The following ZBTB25 variants were observed in gnomAD, a reference collection of about 807,000 sequenced individuals.
The protein encoded by ZBTB25 is zinc finger and BTB domain containing 25.
In ZBTB25, 20 loss-of-function variants were observed where a neutral mutation model predicts 34.2. The ratio of observed to expected loss-of-function variants is 0.58; its 90% CI spans 0.41 to 0.85. ZBTB25 has a LOEUF of 0.85. Among genes scored for constraint, ZBTB25 ranks in the 40% least tolerant of loss-of-function variants. The probability of loss-of-function intolerance (pLI) is 0.00; values close to 1 mark genes in which losing one functional copy is unlikely to be tolerated. For synonymous variants in ZBTB25, 175 were observed against 186.4 expected, an observed-to-expected ratio of 0.94 and a Z score of 0.50; for missense variants, 437 against 521.8, an observed-to-expected ratio of 0.84 and a Z score of 1.58.
intron 1 of ZBTB25, among the ~76,000 whole-genome samples, chr14:64,493,680 G>C (rs990057176): frequency 2.0e-5 from 3 of 152,108 alleles, no homozygotes; most frequent in Non-Finnish European, 2.9e-5. Context: ...TCAAAGGTGA[G>C]TCTCAGAATT....
intron 1 of ZBTB25, among the ~76,000 whole-genome samples, chr14:64,500,475 A>AAAAG (rs35009526): frequency 0.19 from 12,941 of 68,148 alleles, 1,354 homozygotes; most frequent in East Asian, 0.31. Context: ...AAAAAAAAAA[A>AAAAG]AGAGAGAGAG....
intron 2 of ZBTB25, chr14:64,467,207 A>G (rs1169108562): frequency 6.6e-6 from 1 of 152,242 alleles, no homozygotes; most frequent in African/African-American, 2.4e-5. Context: ...TTAAGCAACA[A>G]GCAATCTTGT....
Position 64,463,933 on chromosome 14 carries a change from T to C in ZBTB25, c.174-14295A>G, listed in dbSNP as rs952464664. 2.0e-5 allele frequency among the ~76,000 whole-genome samples: 3 copies of C among 152,348 alleles called. No individual in the cohort carries two copies. The South Asian group carries it at 6.2e-4, about 32-fold the overall frequency. On this transcript the variant is annotated intron_variant, in intron 2 of 2. Coordinates refer to the ZBTB25 transcript ENST00000555220. ...GCTTATAAGCATAATGGATTTCTTTTGGCTTAAAGTTCAAAACTGGCAACA... is the reference window on the plus strand; with the variant it reads ...GCTTATAAGCATAATGGATTTCTTTCGGCTTAAAGTTCAAAACTGGCAACA...
chr14:64,490,033 C>A (rs1402412612), intron 2 of ZBTB25, among the ~76,000 whole-genome samples: 2 of 149,358 alleles, frequency 1.3e-5, no homozygotes. Context: ...CATGGTGAAA[C>A]CCTGCCTCTA....
At chr14:64,449,657 G>A (rs778624344) in intron 2 of ZBTB25, 1 of 1,609,438 alleles carries the variant, frequency 6.2e-7, no homozygotes, top group Non-Finnish European at 8.5e-7. Context: ...AAAGAAAAAA[G>A]ACGAAAAGGG....
chr14:64,504,506 G>A (rs575467818), upstream of ZBTB25: 11 of 165,062 alleles, frequency 6.7e-5, no homozygotes, highest in South Asian at 1.6e-3. Flanking sequence ...GGGCAAGAGG[G>A]GTGGTCAAGC....
At chr14:64,462,529 A>AG (rs2078566294) in intron 2 of ZBTB25, 3 of 152,260 alleles carry the variant, frequency 2.0e-5, no homozygotes, top group African/African-American at 7.2e-5. Flanking sequence ...CCTCCAGATT[A>AG]GTGGCTTTCC....
rs991768162 is a variant in ZBTB25 at position 64,454,841 on chromosome 14, T to C, written c.174-5203A>G. On this transcript the variant is annotated intron_variant, in intron 2 of 2. Transcript: ENST00000555220. ...CCCATTCGCGACATCCGCGCCAGCG[T>C]TGGGGCTGGTTTTCTGTACCCCTTA... 7 of 1,614,058 alleles carry C rather than the reference T, an allele frequency of 4.3e-6. No homozygotes were observed. The highest frequency in any genetic ancestry group is 4.0e-5 in the African/African-American group (3 of 74,914).
chr14:64,471,542 T>G (rs911242570), intron 2 of ZBTB25: 1 of 167,130 alleles, frequency 6.0e-6, no homozygotes, highest in Non-Finnish European at 1.5e-5. Context: ...AAGCATCTGA[T>G]CTCATCAATG....
In ZBTB25 at chr14:64,454,905, C is replaced by T. The variant is rs771924204; in HGVS notation, c.174-5267G>A. ...GTGCATGCTGCAAGGGAGTAGTGGG[C>T]GCATCTGCACTTCTCGTCTGAAGTG... is the stretch of plus-strand genomic sequence containing the variant. On this transcript the variant is annotated intron_variant, in intron 2 of 2. Transcript: ENST00000555220. The T allele has an allele frequency of 8.1e-6, 13 of 1,610,554 alleles. No individual in the cohort carries two copies. The East Asian group carries it at 8.9e-5, about 11-fold the overall frequency.
In ZBTB25 at chr14:64,487,749, A is replaced by G. The variant is rs907265333; in HGVS notation, c.482T>C (p.Val161Ala). ...PSSNSGNRAA[V>A]QGDHPQLQLS... ...CTGCAACTGGGGGTGGTCACCCTGGACAGCAGCTCTGTTTCCACTGTTACT... is the reference window on the plus strand; with the variant it reads ...CTGCAACTGGGGGTGGTCACCCTGGGCAGCAGCTCTGTTTCCACTGTTACT... Residue 161 changes from valine to alanine, a missense_variant, in exon 3 of 3, where the codon GTC becomes GCC. By Grantham distance (64) the Val-to-Ala change is moderately conservative (BLOSUM62 0). Transcript: ENST00000608382. 1.4e-5 allele frequency: 22 copies of G among 1,614,048 alleles called. No individual in the cohort carries two copies. Among genetic ancestry groups the G allele is most frequent in the Non-Finnish European group, 1.9e-5 (22 of 1,180,044 alleles).
Position 64,495,943 on chromosome 14 carries a change from G to A in ZBTB25, c.-7-5403C>T, listed in dbSNP as rs1487216947. ...GCACTCCAACCTGGGCAACAAGAGCGAAACTCCATCTCAAAAGGAAAAAAA... is the reference window on the plus strand; with the variant it reads ...GCACTCCAACCTGGGCAACAAGAGCAAAACTCCATCTCAAAAGGAAAAAAA... On this transcript the variant is annotated intron_variant, in intron 1 of 2. Coordinates refer to ENST00000608382, the MANE Select transcript of ZBTB25 (RefSeq NM_006977.5). Among the ~76,000 whole-genome samples the A allele has an allele frequency of 4.7e-5, 7 of 148,062 alleles. No homozygotes were observed. In the South Asian group the frequency reaches 6.4e-4, roughly 13 times the overall value.
intron 2 of ZBTB25, chr14:64,468,380 G>A (rs1242294803): frequency 6.3e-7 from 1 of 1,584,126 alleles, no homozygotes; most frequent in Admixed American, 1.9e-5. Context: ...TAGAGAATAA[G>A]AGTGCAGTGT....
Position 64,458,060 on chromosome 14 carries a change from T to G in ZBTB25, c.174-8422A>C, listed in dbSNP as rs866227121. 1.8e-4 allele frequency: 126 copies of G among 707,552 alleles called. 2 individuals carry two copies. In the Middle Eastern group the frequency reaches 8.9e-3, roughly 50 times the overall value. The allele number at this position is 707,552 out of a possible 1,614,324, so 43.8% of individuals were successfully genotyped here. A position where few individuals can be genotyped will look rare whatever the true frequency, so the allele number is the denominator to read the frequency against. The stretch of plus-strand genomic sequence containing the variant: ...CACATGCCATCATATCCAGCTAATT[T>G]TTTATTTCCTGTAGAGATGGGGGTC... On this transcript the variant is annotated intron_variant, in intron 2 of 2. Coordinates refer to the ZBTB25 transcript ENST00000555220.
chr14:64,480,595 T>C lies in ZBTB25; in HGVS notation c.*6328A>G, dbSNP rs1177344097. 1 of 168,994 alleles carries C rather than the reference T, an allele frequency of 5.9e-6. No individual in the cohort carries two copies. Among genetic ancestry groups the C allele is most frequent in the African/African-American group, 2.4e-5 (1 of 41,606 alleles). The allele number at this position is 168,994 out of a possible 1,614,324, so 10.5% of individuals were successfully genotyped here. A position where few individuals can be genotyped will look rare whatever the true frequency, so the allele number is the denominator to read the frequency against. On this transcript the variant is annotated 3_prime_UTR_variant, in exon 3 of 3. Coordinates refer to ENST00000608382, the MANE Select transcript of ZBTB25 (RefSeq NM_006977.5). ...TGATGTAAAATAAGAACACATTCTA[T>C]AAGCTAAGCTAATAAACTTGTTTTT...
chr14:64,476,748 C>T (rs373510086), downstream of ZBTB25, among the ~76,000 whole-genome samples: 27 of 151,058 alleles, frequency 1.8e-4, no homozygotes, highest in African/African-American at 6.5e-4. Flanking sequence ...AAAAAAAAGT[C>T]AAACTCAGTT....
At chr14:64,475,589 A>ATT (rs1322947849), downstream of ZBTB25, among the ~76,000 whole-genome samples, 1 of 152,074 alleles carries the variant, frequency 6.6e-6, no homozygotes, top group Admixed American at 6.5e-5. Flanking sequence ...CCCTTTTGTG[A>ATT]ATACCTACTT....
chr14:64,474,183 T>C (rs866790598), downstream of ZBTB25: 1 of 167,010 alleles, frequency 6.0e-6, no homozygotes, highest in African/African-American at 2.4e-5. Context: ...GCAATTAATT[T>C]GGTGTGGGGA....
chr14:64,477,785 A>G (rs569215169), downstream of ZBTB25, among the ~76,000 whole-genome samples: 2 of 152,352 alleles, frequency 1.3e-5, no homozygotes, highest in South Asian at 4.1e-4. Flanking sequence ...ACTATAGAAA[A>G]AATGTGGCAG....
Sources: gnomAD v4.1 joint callset for allele counts (sites outside exome capture counted in the v4.1 genomes callset) on GRCh38, gnomAD v4.1.1 for gene constraint, MANE v1.5 for transcripts, NCBI Gene and HGNC (gene_info 2026-07-23, HGNC 2026-07-21) for gene names.